The following EYS variants were observed in gnomAD, a reference collection of about 807,000 sequenced individuals.
EYS encodes EGF-like photoreceptor maintenance factor, also known as protein eyes shut homolog.
In EYS, 250 loss-of-function variants were observed where a neutral mutation model predicts 282.1. The observed-to-expected ratio is 0.89, with a 90% CI of 0.80 to 0.98. The LOEUF (loss-of-function observed/expected upper bound fraction) is 0.98, where lower values mean the gene tolerates loss of function less well. EYS is among the 50% of genes least tolerant of loss of function. The pLI, the probability that EYS is intolerant of heterozygous loss-of-function variation, is 0.00. For synonymous variants in EYS, 1,355 were observed against 1,282.9 expected, an observed-to-expected ratio of 1.06 and a Z score of -1.20; for missense variants, 4,016 against 3,709.0, an observed-to-expected ratio of 1.08 and a Z score of -2.15.
chr6:64,347,797 C>A (rs1771465564), intron 29 of EYS, among the ~76,000 whole-genome samples: 2 of 151,144 alleles, frequency 1.3e-5, no homozygotes, highest in African/African-American at 4.8e-5. Flanking sequence ...TTCCTAATAC[C>A]TGGAAACTCA....
intron 36 of EYS, among the ~76,000 whole-genome samples, chr6:63,854,147 A>G (rs1772330732): frequency 6.6e-6 from 1 of 152,212 alleles, no homozygotes; most frequent in Non-Finnish European, 1.5e-5. Context: ...ATAAAGACAC[A>G]TGCATACCTA....
At chr6:64,275,420 A>G (rs1768075946) in intron 30 of EYS, among the ~76,000 whole-genome samples, 1 of 150,742 alleles carries the variant, frequency 6.6e-6, no homozygotes, top group Admixed American at 6.6e-5. Flanking sequence ...ATCAGAACCA[A>G]TTACAAATGC....
intron 28 of EYS, among the ~76,000 whole-genome samples, chr6:64,425,814 T>C (rs1354003827): frequency 6.6e-6 from 1 of 152,032 alleles, no homozygotes; most frequent in Non-Finnish European, 1.5e-5. Context: ...ACTTTCATTA[T>C]ATAGGTAGAC....
At chr6:65,646,171 C>G (rs1443300204) in intron 1 of EYS, among the ~76,000 whole-genome samples, 1 of 149,766 alleles carries the variant, frequency 6.7e-6, no homozygotes, top group Non-Finnish European at 1.5e-5. Context: ...CTCCCTAAAT[C>G]ATTCTATAAA....
chr6:64,086,488 C>G (rs907806609), intron 31 of EYS, among the ~76,000 whole-genome samples: 2 of 152,122 alleles, frequency 1.3e-5, no homozygotes, highest in Non-Finnish European at 2.9e-5. Flanking sequence ...TTTAGTGCTT[C>G]TACACATACA....
chr6:65,686,153 A>C (rs1769006760), intron 1 of EYS, among the ~76,000 whole-genome samples: 2 of 152,016 alleles, frequency 1.3e-5, no homozygotes, highest in Non-Finnish European at 2.9e-5. Context: ...CTGAAAACCT[A>C]ATCCTTTCTT....
chr6:63,863,260 C>T (rs1290274870), intron 36 of EYS, among the ~76,000 whole-genome samples: 1 of 152,188 alleles, frequency 6.6e-6, no homozygotes, highest in Non-Finnish European at 1.5e-5. Flanking sequence ...AAAATATCTA[C>T]ACACATTTAT....
intron 9 of EYS, among the ~76,000 whole-genome samples, chr6:65,348,033 T>C (rs1367785054): frequency 6.6e-6 from 1 of 151,606 alleles, no homozygotes; most frequent in Admixed American, 6.6e-5. Context: ...TCTATCTAGT[T>C]CCATCCATGT....
intron 19 of EYS, among the ~76,000 whole-genome samples, chr6:64,838,294 T>C (rs1765449917): frequency 3.3e-5 from 5 of 151,942 alleles, no homozygotes; most frequent in African/African-American, 1.2e-4. Flanking sequence ...AGAACTGACT[T>C]ATCAGATCAA....
intron 19 of EYS, among the ~76,000 whole-genome samples, chr6:64,852,004 G>A (rs1237442649): frequency 6.6e-6 from 1 of 152,078 alleles, no homozygotes; most frequent in Non-Finnish European, 1.5e-5. Flanking sequence ...GAGGATTGTT[G>A]GGATAAAGTA....
At chr6:64,374,566 C>T (rs1056854983) in intron 29 of EYS, among the ~76,000 whole-genome samples, 3 of 152,110 alleles carry the variant, frequency 2.0e-5, no homozygotes, top group African/African-American at 4.8e-5. Context: ...GCCAGATAGG[C>T]GGGTGCCCAG....
chr6:64,222,025 A>G (rs1462346954), intron 31 of EYS, among the ~76,000 whole-genome samples: 1 of 152,100 alleles, frequency 6.6e-6, no homozygotes, highest in Non-Finnish European at 1.5e-5. Flanking sequence ...AGAGAACTGC[A>G]GGCAAAAGGT....
At position 64,912,544 on chromosome 6, in the gene EYS, T is replaced by TGCAAGGGTTATGAAGTAGGTC. The variant is rs1768032154; in HGVS notation, c.2560_2580dup (p.Asp854_Cys860dup). Reference sequence around the variant, plus strand: ...AAAGCTAAGCATGTTGAGTTGTTTCTGCAAGGGTTATGAAGTAGGTCACAA... The same window carrying TGCAAGGGTTATGAAGTAGGTC: ...AAAGCTAAGCATGTTGAGTTGTTTCTGCAAGGGTTATGAAGTAGGTCGCAAGGGTTATGAAGTAGGTCACAA... On this transcript the variant is annotated inframe_insertion, in exon 16 of 43. Coordinates refer to ENST00000503581, the MANE Select transcript of EYS (RefSeq NM_001142800.2). The TGCAAGGGTTATGAAGTAGGTC allele has an allele frequency of 1.9e-6, 3 of 1,551,378 alleles. No homozygotes were observed. Among genetic ancestry groups the TGCAAGGGTTATGAAGTAGGTC allele is most frequent in the Non-Finnish European group, 2.6e-6 (3 of 1,146,710 alleles).
At chr6:65,562,287 A>C (rs139819331) in intron 2 of EYS, among the ~76,000 whole-genome samples, 50 of 152,200 alleles carry the variant, frequency 3.3e-4, no homozygotes, top group African/African-American at 1.1e-3. Flanking sequence ...CGAATGAGGC[A>C]GCTTAATAAT....
At chr6:65,481,607 G>A (rs1765608909) in intron 5 of EYS, among the ~76,000 whole-genome samples, 1 of 152,202 alleles carries the variant, frequency 6.6e-6, no homozygotes, top group Non-Finnish European at 1.5e-5. Flanking sequence ...GAAGTGCAGT[G>A]GCGCGATCTC....
chr6:64,724,208 C>G (rs1445403784), intron 22 of EYS, among the ~76,000 whole-genome samples: 1 of 152,092 alleles, frequency 6.6e-6, no homozygotes, highest in African/African-American at 2.4e-5. Context: ...TTCTCTAACC[C>G]ATTCAGGCTG....
intron 35 of EYS, among the ~76,000 whole-genome samples, chr6:63,926,332 T>G (rs542658470): frequency 6.6e-6 from 1 of 152,344 alleles, no homozygotes; most frequent in African/African-American, 2.4e-5. Flanking sequence ...TCTTCTTAGC[T>G]ATAATGGTCT....
intron 34 of EYS, among the ~76,000 whole-genome samples, chr6:63,997,313 C>T (rs1767878674): frequency 6.6e-6 from 1 of 152,132 alleles, no homozygotes; most frequent in Non-Finnish European, 1.5e-5. Flanking sequence ...GAGGTTGGGC[C>T]CTGAAGGCTG....
At chr6:64,933,526 C>G (rs1309601588) in intron 15 of EYS, among the ~76,000 whole-genome samples, 1 of 152,102 alleles carries the variant, frequency 6.6e-6, no homozygotes, top group African/African-American at 2.4e-5. Context: ...TGCTTTTACA[C>G]TGTTGGTGGG....
Sources: gnomAD v4.1 joint callset for allele counts (sites outside exome capture counted in the v4.1 genomes callset) on GRCh38, gnomAD v4.1.1 for gene constraint, MANE v1.5 for transcripts, NCBI Gene and HGNC (gene_info 2026-07-23, HGNC 2026-07-21) for gene names.